Variants in NRXN1 observed in about 807,000 individuals in gnomAD.
NRXN1 encodes the protein neurexin 1.
Under a neutral mutation model 150.9 loss-of-function variants are expected in NRXN1, and 39 were observed. The observed-to-expected ratio is 0.26, with a 90% CI of 0.20 to 0.34. The LOEUF (loss-of-function observed/expected upper bound fraction) is 0.34. Ranked by LOEUF, NRXN1 falls within the 10% of genes least tolerant of loss-of-function variation. The probability of loss-of-function intolerance (pLI) is 1.00; values close to 1 mark genes in which losing one functional copy is unlikely to be tolerated. For missense variants in NRXN1, 1,815 were observed against 1,949.9 expected (o/e 0.93, Z 1.30); for synonymous variants, 924 against 757.0 (o/e 1.22, Z -3.62).
intron 2 of NRXN1, among the ~76,000 whole-genome samples, chr2:50,980,578 A>G (rs1004498269): frequency 1.3e-5 from 2 of 152,120 alleles, no homozygotes; most frequent in Admixed American, 1.3e-4. Context: ...CACTACTGTA[A>G]CATGTTAATA....
intron 22 of NRXN1, among the ~76,000 whole-genome samples, chr2:49,923,113 T>C (rs1668512060): frequency 6.6e-6 from 1 of 152,190 alleles, no homozygotes; most frequent in African/African-American, 2.4e-5. Context: ...CAATGGATTT[T>C]GGGGTGCCTA....
At chr2:50,084,180 G>A (rs12986904) in intron 19 of NRXN1, among the ~76,000 whole-genome samples, 40,109 of 152,144 alleles carry the variant, frequency 0.26, 5,672 homozygotes, top group Admixed American at 0.39. Flanking sequence ...GCTTCACCCA[G>A]CGTATCCCAC....
Position 49,920,352 on chromosome 2 carries a change from G to GAGAT in NRXN1, c.*1588_*1591dup, listed in dbSNP as rs1483473481. 2 of 152,536 alleles carry GAGAT rather than the reference G, an allele frequency of 1.3e-5. No individual in the cohort carries two copies. The highest frequency in any genetic ancestry group is 4.8e-5 in the African/African-American group (2 of 41,418). 9.4% of individuals were successfully genotyped at this position (152,536 alleles called of 1,614,324 possible). On this transcript the variant is annotated 3_prime_UTR_variant, in exon 23 of 23. Transcript: ENST00000401669. ...ATGTTCATCATGCACATCAGATTCA[G>GAGAT]AGATATATATATTATTTTATTAGAA...
At chr2:50,015,800 G>A (rs766486623) in intron 21 of NRXN1, among the ~76,000 whole-genome samples, 1 of 151,884 alleles carries the variant, frequency 6.6e-6, no homozygotes, top group African/African-American at 2.4e-5. Context: ...CCAAAAGCAT[G>A]TTTTTTTTCC....
chr2:50,695,416 T>C (rs1456110132), intron 5 of NRXN1, among the ~76,000 whole-genome samples: 2 of 152,192 alleles, frequency 1.3e-5, no homozygotes, highest in African/African-American at 4.8e-5. Context: ...GTACCTTATG[T>C]CATATGCTCC....
At chr2:50,421,113 A>T (rs1235803865) in intron 17 of NRXN1, among the ~76,000 whole-genome samples, 2 of 151,838 alleles carry the variant, frequency 1.3e-5, no homozygotes, top group Non-Finnish European at 1.5e-5. Flanking sequence ...GGAGACATTA[A>T]TAATGCAGAA....
At position 50,614,497 on chromosome 2, in the gene NRXN1, G is replaced by A. The variant is rs572001571; in HGVS notation, c.1320+5525C>T. ...ACAGGAAAATAAGCAAAAAAGGGGA[G>A]GAGCGGGGAGGGATAGCATTAGGAG... is the stretch of plus-strand genomic sequence containing the variant. On this transcript the variant is annotated intron_variant, in intron 8 of 22. Coordinates refer to ENST00000401669, the MANE Select transcript of NRXN1 (RefSeq NM_001330078.2). 1.3e-4 allele frequency among the ~76,000 whole-genome samples: 19 copies of A among 151,928 alleles called. No homozygotes were observed. In the South Asian group the frequency reaches 3.5e-3, roughly 28 times the overall value.
At chr2:50,913,812 T>TATA (rs760604819) in intron 5 of NRXN1, among the ~76,000 whole-genome samples, 68 of 151,770 alleles carry the variant, frequency 4.5e-4, no homozygotes, top group Non-Finnish European at 7.1e-4. Context: ...TATAAGTAGG[T>TATA]ATAATATGAA....
chr2:50,971,094 T>G (rs1448147638), intron 2 of NRXN1, among the ~76,000 whole-genome samples: 1 of 152,198 alleles, frequency 6.6e-6, no homozygotes, highest in Non-Finnish European at 1.5e-5. Flanking sequence ...TATATTGGCC[T>G]AACATGTTTG....
At chr2:50,582,653 C>T (rs1020301679) in intron 8 of NRXN1, among the ~76,000 whole-genome samples, 6 of 140,356 alleles carry the variant, frequency 4.3e-5, no homozygotes, top group African/African-American at 1.5e-4. Flanking sequence ...ATTAACCACA[C>T]TTTGGGATCT....
intron 17 of NRXN1, among the ~76,000 whole-genome samples, chr2:50,376,218 C>A (rs2080483558): frequency 6.6e-6 from 1 of 151,800 alleles, no homozygotes; most frequent in Non-Finnish European, 1.5e-5. Context: ...GACTTAGACA[C>A]AGTACAAGTA....
At chr2:50,595,144 A>G (rs1456820869) in intron 8 of NRXN1, among the ~76,000 whole-genome samples, 1 of 152,002 alleles carries the variant, frequency 6.6e-6, no homozygotes, top group African/African-American at 2.4e-5. Context: ...CCTGGAATAA[A>G]ATAGTAAGGA....
At chr2:50,491,755 A>G (rs2091267854) in intron 15 of NRXN1, among the ~76,000 whole-genome samples, 1 of 152,200 alleles carries the variant, frequency 6.6e-6, no homozygotes, top group Admixed American at 6.5e-5. Context: ...TCTATGCTAC[A>G]CAGCTAGGAA....
intron 8 of NRXN1, among the ~76,000 whole-genome samples, chr2:50,588,180 G>T (rs1673481884): frequency 1.3e-5 from 2 of 152,124 alleles, no homozygotes; most frequent in Admixed American, 6.5e-5. Context: ...ACAGCATCCA[G>T]AATTCAATAA....
intron 18 of NRXN1, among the ~76,000 whole-genome samples, chr2:50,190,299 A>T (rs1434030100): frequency 6.6e-6 from 1 of 152,166 alleles, no homozygotes; most frequent in Non-Finnish European, 1.5e-5. Flanking sequence ...AGGTACAATT[A>T]CACTACATAA....
chr2:50,982,050 T>C (rs936778379), intron 2 of NRXN1, among the ~76,000 whole-genome samples: 6 of 152,110 alleles, frequency 3.9e-5, no homozygotes, highest in African/African-American at 1.4e-4. Flanking sequence ...CCATCATTCA[T>C]CTTAATAGTT....
chr2:50,606,582 T>G (rs1445208247), intron 8 of NRXN1, among the ~76,000 whole-genome samples: 1 of 148,560 alleles, frequency 6.7e-6, no homozygotes, highest in Non-Finnish European at 1.5e-5. Flanking sequence ...GCTAAGTGGG[T>G]AGATCCTATG....
intron 2 of NRXN1, among the ~76,000 whole-genome samples, chr2:50,949,143 C>G (rs938156918): frequency 7.2e-5 from 11 of 152,008 alleles, no homozygotes; most frequent in African/African-American, 2.7e-4. Context: ...ACCTTTGTCA[C>G]TATTTTGTCC....
chr2:50,001,452 TA>T (rs369700505), intron 21 of NRXN1, among the ~76,000 whole-genome samples: 15 of 152,078 alleles, frequency 9.9e-5, no homozygotes, highest in African/African-American at 2.4e-4. Flanking sequence ...GTAAAGCATT[TA>T]GGGGGTATAT....
Sources: gnomAD v4.1 joint callset for allele counts (sites outside exome capture counted in the v4.1 genomes callset) on GRCh38, gnomAD v4.1.1 for gene constraint, MANE v1.5 for transcripts, NCBI Gene and HGNC (gene_info 2026-07-23, HGNC 2026-07-21) for gene names.